KAZN: variants seen among roughly 807,000 people sequenced by gnomAD.
KAZN encodes the protein kazrin.
KAZN carries 40 observed loss-of-function variants against 87.4 expected under a neutral mutation model. That is an observed-to-expected ratio of 0.46 (90% CI 0.36 to 0.60). The LOEUF (loss-of-function observed/expected upper bound fraction) is 0.60, where lower values mean the gene tolerates loss of function less well. Among genes scored for constraint, KAZN ranks in the 20% least tolerant of loss-of-function variants. KAZN has a pLI of 0.00. For missense variants in KAZN, 898 were observed against 1,073.9 expected (o/e 0.84, Z 2.29); for synonymous variants, 466 against 458.3 (o/e 1.02, Z -0.22).
Position 14,832,313 on chromosome 1 carries a change from G to A in KAZN, c.227-128371G>A, listed in dbSNP as rs151197899. 6.4e-4 allele frequency among the ~76,000 whole-genome samples: 97 copies of A among 152,224 alleles called. 1 individual carries two copies. The highest frequency in any genetic ancestry group is 2.7e-3 in the Admixed American group (42 of 15,302). On this transcript the variant is annotated intron_variant, in intron 1 of 14. Transcript: ENST00000376030. ...CTCTATCTCTGGGATCTGCTGTGCT[G>A]TGGTGGAGGGGACTTCATTCTTAAG...
intron 2 of KAZN, among the ~76,000 whole-genome samples, chr1:14,319,427 A>G (rs1224038912): frequency 1.3e-5 from 2 of 151,906 alleles, no homozygotes; most frequent in African/African-American, 2.4e-5. Context: ...TGCCTGCCTC[A>G]CCCTACACAT....
At chr1:13,916,952 C>T (rs1241209937) in intron 1 of KAZN, among the ~76,000 whole-genome samples, 1 of 152,144 alleles carries the variant, frequency 6.6e-6, no homozygotes, top group East Asian at 1.9e-4. Context: ...GGCTGGCATG[C>T]TCCCTGGGTA....
At chr1:14,764,766 G>T (rs1212536815) in intron 1 of KAZN, among the ~76,000 whole-genome samples, 2 of 152,142 alleles carry the variant, frequency 1.3e-5, no homozygotes, top group African/African-American at 4.8e-5. Context: ...ACCAGGCTGG[G>T]TATAGAAACA....
intron 2 of KAZN, among the ~76,000 whole-genome samples, chr1:14,265,615 C>A (rs918262464): frequency 5.3e-5 from 8 of 152,288 alleles, no homozygotes; most frequent in African/African-American, 1.7e-4. Context: ...AACTGTTTCA[C>A]CCTAGTCCCT....
chr1:14,606,575 G>C (rs1222875185), intron 1 of KAZN, among the ~76,000 whole-genome samples: 1 of 152,116 alleles, frequency 6.6e-6, no homozygotes, highest in East Asian at 1.9e-4. Context: ...CCAGAGTCTT[G>C]TGGCAGCCTT....
chr1:15,099,129 A>G lies in KAZN; in HGVS notation c.1548-2414A>G, dbSNP rs1228219615. Among the ~76,000 whole-genome samples the G allele has an allele frequency of 1.3e-5, 2 of 152,140 alleles. No homozygotes were observed. The highest frequency in any genetic ancestry group is 2.9e-5 in the Non-Finnish European group (2 of 68,026). On this transcript the variant is annotated intron_variant, in intron 10 of 14. Transcript: ENST00000376030. This position sits in a 1 kb window ranked among gnomAD's most constrained non-coding sequence, Gnocchi z 5.4. Reference sequence around the variant, plus strand: ...CTGGGGGAAGAGGGTGGGGTAGAGGACAGGCCCGGAGACAAGGGGGTCCCA... The same window carrying G: ...CTGGGGGAAGAGGGTGGGGTAGAGGGCAGGCCCGGAGACAAGGGGGTCCCA...
At chr1:14,541,399 T>A (rs1048075813) in intron 2 of KAZN, among the ~76,000 whole-genome samples, 3 of 152,204 alleles carry the variant, frequency 2.0e-5, no homozygotes, top group Non-Finnish European at 2.9e-5. Flanking sequence ...TCTTCCCATT[T>A]TTATTAAGAA....
intron 2 of KAZN, among the ~76,000 whole-genome samples, chr1:14,568,829 G>A (rs1674689486): frequency 6.6e-6 from 1 of 152,198 alleles, no homozygotes; most frequent in African/African-American, 2.4e-5. Flanking sequence ...TTGTTTCCTG[G>A]CAGTAGAAAC....
intron 1 of KAZN, among the ~76,000 whole-genome samples, chr1:14,675,899 G>T (rs1164209204): frequency 6.6e-6 from 1 of 152,100 alleles, no homozygotes; most frequent in African/African-American, 2.4e-5. Flanking sequence ...ATTTTCTGTT[G>T]CTCTGAGTGG....
chr1:14,635,017 G>A (rs549424700), intron 1 of KAZN, among the ~76,000 whole-genome samples: 9 of 152,224 alleles, frequency 5.9e-5, no homozygotes, highest in South Asian at 4.2e-4. Context: ...CATTTTCCCC[G>A]TCCATAAAAT....
At chr1:14,537,385 G>A (rs1672566118) in intron 2 of KAZN, among the ~76,000 whole-genome samples, 1 of 152,168 alleles carries the variant, frequency 6.6e-6, no homozygotes, top group Non-Finnish European at 1.5e-5. Context: ...AATGTGACTG[G>A]GGAAATGAAT....
intron 1 of KAZN, among the ~76,000 whole-genome samples, chr1:13,995,364 C>A (rs1639466005): frequency 1.3e-5 from 2 of 151,982 alleles, no homozygotes; most frequent in African/African-American, 4.8e-5. Context: ...TTAATGGATA[C>A]AGAGCAAGAT....
At chr1:14,524,557 A>G (rs946097110) in intron 2 of KAZN, among the ~76,000 whole-genome samples, 2 of 152,176 alleles carry the variant, frequency 1.3e-5, no homozygotes, top group Non-Finnish European at 2.9e-5. Context: ...AAAATAAACA[A>G]TATTTTAAAC....
intron 1 of KAZN, among the ~76,000 whole-genome samples, chr1:14,095,613 C>T (rs1293949161): frequency 6.6e-6 from 1 of 152,138 alleles, no homozygotes; most frequent in African/African-American, 2.4e-5. Flanking sequence ...GGCTTCTTCA[C>T]ATACATGTCT....
At chr1:14,036,265 G>A (rs1641553815) in intron 1 of KAZN, among the ~76,000 whole-genome samples, 1 of 152,172 alleles carries the variant, frequency 6.6e-6, no homozygotes. Context: ...TGGGAGGAAG[G>A]AGGCTGGGAT....
intron 2 of KAZN, among the ~76,000 whole-genome samples, chr1:14,589,333 A>G (rs868858844): frequency 0.08 from 629 of 7,830 alleles, 7 homozygotes; most frequent in African/African-American, 0.36. Context: ...AAGGCAGGTA[A>G]AAAAAAAAAA....
At chr1:15,075,041 G>C (rs1206874092) in intron 8 of KAZN, among the ~76,000 whole-genome samples, 2 of 152,172 alleles carry the variant, frequency 1.3e-5, no homozygotes, top group East Asian at 3.9e-4. Flanking sequence ...CTGAGGCCCA[G>C]GTAAGTTCAG....
At chr1:14,649,132 T>C (rs1681032527) in intron 1 of KAZN, among the ~76,000 whole-genome samples, 1 of 152,236 alleles carries the variant, frequency 6.6e-6, no homozygotes, top group South Asian at 2.1e-4. Context: ...ACCACATTAA[T>C]GCCCTGGTGG....
At chr1:14,993,967 T>G (rs1256449377) in intron 2 of KAZN, among the ~76,000 whole-genome samples, 1 of 151,884 alleles carries the variant, frequency 6.6e-6, no homozygotes, top group Non-Finnish European at 1.5e-5. Context: ...GACTTCTGGG[T>G]GTGTTTGTGG....
Sources: allele counts gnomAD v4.1 joint callset (sites outside exome capture counted in the v4.1 genomes callset), GRCh38; gene constraint gnomAD v4.1.1; non-coding constraint Gnocchi (gnomAD v3.1); transcripts MANE v1.5; gene names NCBI Gene and HGNC (gene_info 2026-07-23, HGNC 2026-07-21).